The following TMEM18 variants were observed in gnomAD, a reference collection of about 807,000 sequenced individuals.
TMEM18 encodes the protein transmembrane protein 18.
TMEM18 carries 14 observed loss-of-function variants against 17.4 expected under a neutral mutation model. That is an observed-to-expected ratio of 0.80 (90% CI 0.53 to 1.25). TMEM18 has a LOEUF of 1.25. Ranked by LOEUF, TMEM18 falls within the 50% of genes most tolerant of loss-of-function variation. The probability of loss-of-function intolerance (pLI) is 0.00; values close to 1 mark genes in which losing one functional copy is unlikely to be tolerated. For synonymous variants in TMEM18, 86 were observed against 66.1 expected, an observed-to-expected ratio of 1.30 and a Z score of -1.46; for missense variants, 187 against 172.1, an observed-to-expected ratio of 1.09 and a Z score of -0.48.
chr2:675,434 G>A (rs1404596586), intron 2 of TMEM18, 76 bp downstream of exon 2: 19 of 1,596,260 alleles, frequency 1.2e-5, no homozygotes, highest in Admixed American at 6.7e-5. Flanking sequence ...TATATATTTC[G>A]AAGACACAGA....
At position 677,399 on chromosome 2, in the gene TMEM18, CCA is replaced by C; in HGVS notation, c.-56_-55del. On this transcript the variant is annotated 5_prime_UTR_variant, in exon 1 of 5. Coordinates refer to ENST00000281017, the MANE Select transcript of TMEM18 (RefSeq NM_152834.4). ...CCGCCGAACCCGGCCTGGCCAGAAT[CCA>C]CAGAGGAGGGCGCCAAATCCTCTCT... 1.3e-6 allele frequency: 2 copies of C among 1,594,250 alleles called. No homozygotes were observed. Among genetic ancestry groups the C allele is most frequent in the Non-Finnish European group, 1.7e-6 (2 of 1,171,484 alleles).
At chr2:674,096 A>C (rs1678932420) in intron 2 of TMEM18, among the ~76,000 whole-genome samples, 1 of 152,202 alleles carries the variant, frequency 6.6e-6, no homozygotes, top group South Asian at 2.1e-4. Context: ...TGGGCAAATA[A>C]AATCCAACTC....
chr2:672,182 T>C (rs1325140155), intron 3 of TMEM18, among the ~76,000 whole-genome samples: 1 of 152,218 alleles, frequency 6.6e-6, no homozygotes, highest in Non-Finnish European at 1.5e-5. Context: ...CTGTTTTATA[T>C]TTTAAAACGT....
chr2:672,074 T>C (rs1234745707), intron 3 of TMEM18, among the ~76,000 whole-genome samples: 3 of 152,152 alleles, frequency 2.0e-5, no homozygotes, highest in Non-Finnish European at 4.4e-5. Context: ...CAACAACCCC[T>C]TTCGGTGAGG....
chr2:674,727 T>C (rs1311398285), intron 2 of TMEM18, among the ~76,000 whole-genome samples: 1 of 152,274 alleles, frequency 6.6e-6, no homozygotes, highest in Non-Finnish European at 1.5e-5. Flanking sequence ...TAAACTTATC[T>C]GAAATTAGTT....
At chr2:671,305 C>A (rs1473913316) in intron 3 of TMEM18, among the ~76,000 whole-genome samples, 1 of 152,198 alleles carries the variant, frequency 6.6e-6, no homozygotes, top group South Asian at 2.1e-4. Flanking sequence ...GGGAGGATGA[C>A]CCTGTGCCAG....
rs1352081285 is a variant in TMEM18, at chr2:663,895, C to G, written c.*5685G>C. ...AGAAGAATTTAAAGAGCAAAAAAGCCAACATGAGTAACTTTATTTATAAAG... is the reference window on the plus strand; with the variant it reads ...AGAAGAATTTAAAGAGCAAAAAAGCGAACATGAGTAACTTTATTTATAAAG... On this transcript the variant is annotated 3_prime_UTR_variant, in exon 5 of 5. Coordinates refer to ENST00000281017, the MANE Select transcript of TMEM18 (RefSeq NM_152834.4). Among the ~76,000 whole-genome samples, 1 of 152,152 alleles carries G rather than the reference C, an allele frequency of 6.6e-6. No homozygotes were observed. The highest frequency in any genetic ancestry group is 1.5e-5 in the Non-Finnish European group (1 of 68,040).
chr2:665,944 G>A lies in TMEM18; in HGVS notation c.*3636C>T, dbSNP rs1244037152. On this transcript the variant is annotated 3_prime_UTR_variant, in exon 5 of 5. Coordinates refer to ENST00000281017, the MANE Select transcript of TMEM18 (RefSeq NM_152834.4). ...CACTCAGATGGAGTGTTAACCCCAC[G>A]CACACAAAACCCAGAGATGCGGATG... Among the ~76,000 whole-genome samples the A allele has an allele frequency of 7.3e-5, 11 of 151,028 alleles. No homozygotes were observed. Among genetic ancestry groups the A allele is most frequent in the African/African-American group, 2.0e-4 (8 of 40,952 alleles).
rs530955604 is a variant in TMEM18, at chr2:669,382, G to A, written c.*198C>T. On this transcript the variant is annotated 3_prime_UTR_variant, in exon 5 of 5. Coordinates refer to ENST00000281017, the MANE Select transcript of TMEM18 (RefSeq NM_152834.4). ...CTACAAAGATCAGGCACCTGAAGACGCATGTCCTGATGGATACATTCAGTG... is the reference window on the plus strand; with the variant it reads ...CTACAAAGATCAGGCACCTGAAGACACATGTCCTGATGGATACATTCAGTG... 3.1e-5 allele frequency: 19 copies of A among 619,104 alleles called. No homozygotes were observed. The highest frequency in any genetic ancestry group is 4.4e-4 in the Middle Eastern group (1 of 2,268). 38.4% of individuals were successfully genotyped at this position (619,104 alleles called of 1,614,324 possible).
Position 675,669 on chromosome 2 carries a change from C to G in TMEM18, c.58-39G>C, listed in dbSNP as rs756097923. The G allele has an allele frequency of 2.5e-6, 4 of 1,609,814 alleles. No homozygotes were observed. In the Admixed American group the frequency reaches 6.7e-5, roughly 27 times the overall value. On this transcript the variant is annotated intron_variant, in intron 1 of 4. Transcript: ENST00000281017. ...CCAGCAGACACTCACTGTCCTGCCA[C>G]TCAAGGCCGGGTTCACGGCCCACCC...
rs186398577 is a variant in TMEM18, at chr2:665,490, A to C, written c.*4090T>G. ...GAGAATCAACTCCACATACAACAGGACCCAGAGATGCAAACACCCCACTCA... is the reference window on the plus strand; with the variant it reads ...GAGAATCAACTCCACATACAACAGGCCCCAGAGATGCAAACACCCCACTCA... On this transcript the variant is annotated 3_prime_UTR_variant, in exon 5 of 5. Transcript: ENST00000281017. Among the ~76,000 whole-genome samples, 31 of 151,718 alleles carry C rather than the reference A, an allele frequency of 2.0e-4. No homozygotes were observed. In the Middle Eastern group the frequency reaches 0.01, roughly 51 times the overall value.
intron 2 of TMEM18, among the ~76,000 whole-genome samples, chr2:674,300 C>T (rs950126326): frequency 6.6e-6 from 1 of 152,210 alleles, no homozygotes; most frequent in African/African-American, 2.4e-5. Context: ...CTTTGAGATG[C>T]CTGCCTCAGG....
chr2:664,991 G>GA lies in TMEM18; in HGVS notation c.*4588dup, dbSNP rs966143542. On this transcript the variant is annotated 3_prime_UTR_variant, in exon 5 of 5. Transcript: ENST00000281017. ...TTACTTTATAGAAGATAGACTTACA[G>GA]AAAAAAGGGGCAGCAAATTGACACT... 6.6e-6 allele frequency among the ~76,000 whole-genome samples: 1 copy of GA among 152,142 alleles called. No individual in the cohort carries two copies. The highest frequency in any genetic ancestry group is 2.4e-5 in the African/African-American group (1 of 41,428).
chr2:670,034 C>T, intron 3 of TMEM18, 184 bp from the exon 4 acceptor site: 1 of 580,584 alleles, frequency 1.7e-6, no homozygotes, highest in Admixed American at 3.2e-5. Flanking sequence ...GCAATGAATG[C>T]TCATTATGAA....
chr2:670,912 G>A (rs1023596610), intron 3 of TMEM18: 1 of 152,390 alleles, frequency 6.6e-6, no homozygotes. Flanking sequence ...GCAGTCGGGG[G>A]ACGGCTTAGG....
chr2:674,290 C>G (rs1475167503), intron 2 of TMEM18, among the ~76,000 whole-genome samples: 1 of 152,226 alleles, frequency 6.6e-6, no homozygotes, highest in Non-Finnish European at 1.5e-5. Context: ...CATCACCTTT[C>G]TTTGAGATGC....
chr2:676,974 G>A (rs1659263349), intron 1 of TMEM18, among the ~76,000 whole-genome samples: 1 of 151,690 alleles, frequency 6.6e-6, no homozygotes, highest in South Asian at 2.1e-4. Flanking sequence ...CACTGCGCAC[G>A]CTCCTCCACA....
At chr2:676,774 C>T (rs1659247498) in intron 1 of TMEM18, 1 of 863,206 alleles carries the variant, frequency 1.2e-6, no homozygotes, top group East Asian at 2.7e-5. Flanking sequence ...ACCACGCACG[C>T]CCCGCCGCAC....
At position 669,469 on chromosome 2, in the gene TMEM18, G is replaced by C. The variant is rs945877763; in HGVS notation, c.*111C>G. ...CTGTGGATATTTAAATAAAACAACG[G>C]TTTTTCAAACCATGAGTCAGCTGGA... On this transcript the variant is annotated 3_prime_UTR_variant, in exon 5 of 5. Transcript: ENST00000281017. 6 of 1,143,506 alleles carry C rather than the reference G, an allele frequency of 5.2e-6. No individual in the cohort carries two copies. The African/African-American group carries it at 9.3e-5, about 18-fold the overall frequency. 70.8% of individuals were successfully genotyped at this position (1,143,506 alleles called of 1,614,324 possible).
Sources: allele counts gnomAD v4.1 joint callset (sites outside exome capture counted in the v4.1 genomes callset), GRCh38; gene constraint gnomAD v4.1.1; transcripts MANE v1.5; gene names NCBI Gene and HGNC (gene_info 2026-07-23, HGNC 2026-07-21).